OTOG: variants seen among roughly 807,000 people sequenced by gnomAD.
The protein encoded by OTOG is otogelin.
In OTOG, 296 loss-of-function variants were observed where a neutral mutation model predicts 313.8. The ratio of observed to expected loss-of-function variants is 0.94; its 90% CI spans 0.86 to 1.04. The LOEUF is 1.04. Ranked by LOEUF, OTOG falls within the 50% of genes least tolerant of loss-of-function variation. OTOG has a pLI of 0.00. For synonymous variants in OTOG, 1,533 were observed against 1,554.9 expected, an observed-to-expected ratio of 0.99 and a Z score of 0.33; for missense variants, 3,948 against 3,840.1, an observed-to-expected ratio of 1.03 and a Z score of -0.74.
intron 54 of OTOG, among the ~76,000 whole-genome samples, chr11:17,644,716 CA>C (rs1388137137): frequency 2.6e-5 from 4 of 151,864 alleles, no homozygotes; most frequent in African/African-American, 7.3e-5. Context: ...AAAGAACTTA[CA>C]ACAAATTCTG....
intron 39 of OTOG, among the ~76,000 whole-genome samples, 168 bp from the exon 40 acceptor site, chr11:17,628,965 G>A (rs1008916156): frequency 6.6e-6 from 1 of 152,226 alleles, no homozygotes; most frequent in African/African-American, 2.4e-5. Context: ...ACGGTGATTT[G>A]GCTGCATGTG....
In OTOG at chr11:17,553,516, C is replaced by T. The variant is rs1334097856; in HGVS notation, c.537C>T (p.Ile179=). ...RHEPEGQSFS[I]QVHNDPQCGS... ...AGCCCGAGGGACAGAGCTTCTCCATCCAGGTGAGGCCTCCCCTGCCTTGCC... is the reference window on the plus strand; with the variant it reads ...AGCCCGAGGGACAGAGCTTCTCCATTCAGGTGAGGCCTCCCCTGCCTTGCC... Residue 179 remains isoleucine, a synonymous_variant, in exon 6 of 56, where the codon ATC becomes ATT. Coordinates refer to ENST00000399397, the MANE Select transcript of OTOG (RefSeq NM_001292063.2). 2.1e-6 allele frequency: 3 copies of T among 1,432,904 alleles called. No homozygotes were observed. The highest frequency in any genetic ancestry group is 1.8e-6 in the Non-Finnish European group (2 of 1,091,166). 88.8% of individuals were successfully genotyped at this position (1,432,904 alleles called of 1,614,324 possible). A position where few individuals can be genotyped will look rare whatever the true frequency, so the allele number is the denominator to read the frequency against.
chr11:17,560,574 A>G, intron 12 of OTOG, 135 bp from the exon 13 acceptor site: 1 of 664,956 alleles, frequency 1.5e-6, no homozygotes, highest in East Asian at 2.7e-5. Context: ...GGATTTATAG[A>G]GGAGAAAGTT....
intron 26 of OTOG, 114 bp from the exon 27 acceptor site, chr11:17,593,496 C>T: frequency 6.9e-7 from 1 of 1,454,552 alleles, no homozygotes. Flanking sequence ...ACACAGAGGC[C>T]AATGTCAGGG....
In OTOG at chr11:17,593,304, T is replaced by C. The variant is rs1852996486; in HGVS notation, c.3118T>C (p.Phe1040Leu). The C allele has an allele frequency of 1.3e-6, 2 of 1,550,534 alleles. No homozygotes were observed. Among genetic ancestry groups the C allele is most frequent in the Non-Finnish European group, 8.7e-7 (1 of 1,147,000 alleles). ...CAACGTTGGGAACTCACTCATTGTC[T>C]TTGATGATGACTCCGGAAATCCTGT... ...SINVGNSLIV[F>L]DDDSGNPSPE... The change falls in exon 26 of 56, where the codon TTT becomes CTT. Residue 1040 changes from phenylalanine (F) to leucine (L), a missense_variant. Phe to Leu is a conservative substitution (Grantham distance 22, BLOSUM62 0). Transcript: ENST00000399397.
At chr11:17,572,637 C>T (rs1383672030) in intron 18 of OTOG, among the ~76,000 whole-genome samples, 1 of 152,238 alleles carries the variant, frequency 6.6e-6, no homozygotes, top group Non-Finnish European at 1.5e-5. Flanking sequence ...GCTGTTTCTG[C>T]AGACACACAC....
At position 17,578,421 on chromosome 11, in the gene OTOG, A is replaced by C. The variant is rs950090006; in HGVS notation, c.2654A>C (p.His885Pro). The change falls in exon 23 of 56, where the codon CAC becomes CCC. Residue 885 changes from histidine to proline, a missense_variant. Physicochemically the swap from His to Pro is moderately conservative, Grantham distance 77. Coordinates refer to ENST00000399397, the MANE Select transcript of OTOG (RefSeq NM_001292063.2). ...GTCTTCGTGAACTGCAGCGACCTGCACACGGACCTGGAGCTGAGCAGGGAG... is the reference window on the plus strand; with the variant it reads ...GTCTTCGTGAACTGCAGCGACCTGCCCACGGACCTGGAGCTGAGCAGGGAG... ...GQVFVNCSDL[H>P]TDLELSRERT... 65 of 1,540,952 alleles carry C rather than the reference A, an allele frequency of 4.2e-5. No homozygotes were observed. Among genetic ancestry groups the C allele is most frequent in the Non-Finnish European group, 5.4e-5 (62 of 1,146,696 alleles).
intron 48 of OTOG, chr11:17,638,752 A>G: frequency 6.5e-7 from 1 of 1,540,536 alleles, no homozygotes; most frequent in Non-Finnish European, 8.8e-7. Flanking sequence ...TCTCTAGGAT[A>G]AAAGAAGGAA....
rs1195280797 is a variant in OTOG at position 17,610,443 on chromosome 11, A to G, written c.5143A>G (p.Arg1715Gly). 7 of 1,550,436 alleles carry G rather than the reference A, an allele frequency of 4.5e-6. No homozygotes were observed. The Middle Eastern group carries it at 5.0e-4, about 110-fold the overall frequency. ...EQVPVSPLAT[R>G]SLEIVLSTEK... ...GGTTCCTGTCAGTCCCCTTGCAACC[A>G]GGAGCTTGGAGATAGTGCTATCCAC... The change falls in exon 36 of 56, where the codon AGG (arginine) becomes GGG (glycine). Residue 1715 changes from arginine (R) to glycine (G), a missense_variant. Arg to Gly is a moderately radical substitution (Grantham distance 125, BLOSUM62 -2). Coordinates refer to ENST00000399397, the MANE Select transcript of OTOG (RefSeq NM_001292063.2).
intron 24 of OTOG, among the ~76,000 whole-genome samples, chr11:17,589,544 A>T (rs1302531604): frequency 6.6e-6 from 1 of 151,990 alleles, no homozygotes; most frequent in African/African-American, 2.4e-5. Flanking sequence ...CCACTGCAGC[A>T]TCTCTCCCTC....
chr11:17,642,030 G>T, intron 52 of OTOG, 79 bp downstream of exon 52: 1 of 1,523,844 alleles, frequency 6.6e-7, no homozygotes, highest in Non-Finnish European at 8.8e-7. Flanking sequence ...CTGGCTTGCA[G>T]GCCAGGGCTG....
chr11:17,548,251 G>GCCCC (rs1851853253), intron 3 of OTOG, 39 bp downstream of exon 3: 2 of 1,503,424 alleles, frequency 1.3e-6, no homozygotes, highest in Non-Finnish European at 1.8e-6. Context: ...TTGAGCAGGA[G>GCCCC]CTCATGTCTA....
At chr11:17,606,296 C>T (rs1357475501) in intron 33 of OTOG, among the ~76,000 whole-genome samples, 161 bp downstream of exon 33, 1 of 152,252 alleles carries the variant, frequency 6.6e-6, no homozygotes, top group Non-Finnish European at 1.5e-5. Flanking sequence ...TGAGAGGTGG[C>T]CCAGCCTCCA....
chr11:17,554,297 G>T (rs189710846), intron 6 of OTOG, among the ~76,000 whole-genome samples: 1 of 152,120 alleles, frequency 6.6e-6, no homozygotes, highest in East Asian at 1.9e-4. Context: ...TCTGGTTTTG[G>T]GTTGGTTTTC....
intron 25 of OTOG, 45 bp from the exon 26 acceptor site, chr11:17,593,148 C>A: frequency 6.6e-7 from 1 of 1,520,822 alleles, no homozygotes; most frequent in Non-Finnish European, 8.9e-7. Flanking sequence ...TTGGCAGGAT[C>A]TCCTTTCTCC....
chr11:17,615,989 C>T (rs895960720), intron 39 of OTOG, among the ~76,000 whole-genome samples: 7 of 152,052 alleles, frequency 4.6e-5, no homozygotes, highest in Non-Finnish European at 1.5e-5. Flanking sequence ...TTAATCTATC[C>T]TTTCACTGAT....
intron 23 of OTOG, among the ~76,000 whole-genome samples, chr11:17,585,388 C>T (rs568297420): frequency 2.1e-4 from 32 of 152,260 alleles, no homozygotes; most frequent in African/African-American, 7.5e-4. Context: ...TTTGAGTATT[C>T]CTGTCCCCCT....
In OTOG at chr11:17,553,405, G is replaced by A. The variant is rs548971081; in HGVS notation, c.426G>A (p.Ala142=). ...AGPERDSICR[A]WGQHHVETFD... ...CTGAGAGGGACAGCATTTGCCGGGCGTGGGGGCAGCACCACGTGGAGACAT... is the reference window on the plus strand; with the variant it reads ...CTGAGAGGGACAGCATTTGCCGGGCATGGGGGCAGCACCACGTGGAGACAT... Residue 142 remains alanine (A), a synonymous_variant, in exon 6 of 56, where the codon GCG becomes GCA. Transcript: ENST00000399397. 1.6e-4 allele frequency: 240 copies of A among 1,468,198 alleles called. No homozygotes were observed. In the African/African-American group the frequency reaches 2.2e-3, roughly 14 times the overall value. 90.9% of individuals were successfully genotyped at this position (1,468,198 alleles called of 1,614,324 possible). A position where few individuals can be genotyped will look rare whatever the true frequency, so the allele number is the denominator to read the frequency against.
At chr11:17,584,682 C>T (rs1174945815) in intron 23 of OTOG, among the ~76,000 whole-genome samples, 1 of 152,128 alleles carries the variant, frequency 6.6e-6, no homozygotes, top group Admixed American at 6.5e-5. Context: ...TGGGCCATCA[C>T]GTCTGGCTAA....
Sources: allele counts gnomAD v4.1 joint callset (sites outside exome capture counted in the v4.1 genomes callset), GRCh38; gene constraint gnomAD v4.1.1; transcripts MANE v1.5; gene names NCBI Gene and HGNC (gene_info 2026-07-23, HGNC 2026-07-21).